The following ACOX1 variants were observed in gnomAD, a reference collection of about 807,000 sequenced individuals.
ACOX1 encodes acyl-CoA oxidase 1.
A neutral mutation model predicts 75.5 loss-of-function variants in ACOX1; 41 were observed. The ratio of observed to expected loss-of-function variants is 0.54; its 90% CI spans 0.42 to 0.70. The LOEUF (loss-of-function observed/expected upper bound fraction) is 0.70, where lower values mean the gene tolerates loss of function less well. ACOX1 is among the 30% of genes least tolerant of loss of function. The pLI, the probability that ACOX1 is intolerant of heterozygous loss-of-function variation, is 0.00. For synonymous variants in ACOX1, 303 were observed against 298.8 expected (o/e 1.01, Z -0.15); for missense variants, 630 against 837.5 (o/e 0.75, Z 3.06).
chr17:75,955,239 T>C (rs2065813236), intron 6 of ACOX1, among the ~76,000 whole-genome samples: 1 of 151,978 alleles, frequency 6.6e-6, no homozygotes, highest in South Asian at 2.1e-4. Flanking sequence ...CACAGCTCAC[T>C]GTAGCCTCGG....
At position 75,967,620 on chromosome 17, in the gene ACOX1, A is replaced by G. The variant is rs868483058; in HGVS notation, c.270-7245T>C. On this transcript the variant is annotated intron_variant, in intron 2 of 13. Coordinates refer to ENST00000293217, the MANE Select transcript of ACOX1 (RefSeq NM_004035.7). ...TCGAAATATATATATATATACATACATATATATATACATACATATATATAC... is the reference window on the plus strand; with the variant it reads ...TCGAAATATATATATATATACATACGTATATATATACATACATATATATAC... Among the ~76,000 whole-genome samples, 39 of 91,922 alleles carry G rather than the reference A, an allele frequency of 4.2e-4. 1 individual carries two copies. The highest frequency in any genetic ancestry group is 3.7e-3 in the African/African-American group (35 of 9,374). The allele number at this position is 91,922 out of a possible 152,430, so 60.3% of individuals were successfully genotyped here.
chr17:75,963,270 C>T (rs915968887), intron 2 of ACOX1, among the ~76,000 whole-genome samples: 5 of 152,256 alleles, frequency 3.3e-5, no homozygotes, highest in African/African-American at 1.2e-4. Flanking sequence ...TCCCAGACTT[C>T]ACCATTACAT....
At chr17:75,977,324 C>T (rs1399670714) in intron 2 of ACOX1, among the ~76,000 whole-genome samples, 4 of 151,332 alleles carry the variant, frequency 2.6e-5, no homozygotes, top group East Asian at 3.9e-4. Context: ...TTATTTTTAC[C>T]GTTCCTTGTG....
Position 75,951,544 on chromosome 17 carries a change from G to C in ACOX1, c.978C>G (p.Thr326=), listed in dbSNP as rs1316911192. ...EPEPQILDFQ[T]QQYKLFPLLA... is the part of the protein sequence containing the mutation. ...GGAGTGGAAAGAGTTTATACTGCTG[G>C]GTTTGAAAATCCAAAATCTGTGGTT... Residue 326 remains threonine, a synonymous_variant, in exon 8 of 14, where the codon ACC becomes ACG. Coordinates refer to ENST00000293217, the MANE Select transcript of ACOX1 (RefSeq NM_004035.7). The C allele has an allele frequency of 6.2e-7, 1 of 1,613,960 alleles. No homozygotes were observed. Among genetic ancestry groups the C allele is most frequent in the South Asian group, 1.1e-5 (1 of 91,082 alleles).
Position 75,978,164 on chromosome 17 carries a change from G to C in ACOX1, c.269+370C>G, listed in dbSNP as rs2066073961. On this transcript the variant is annotated intron_variant, in intron 2 of 13. Transcript: ENST00000293217. This position sits in a 1 kb window ranked among gnomAD's most constrained non-coding sequence, Gnocchi z 4.2. ...GGCTGGAGTGCAGTGGCGCGATCTC[G>C]GCTCACTGCAAGCTCCGCCTCCCTA... 6.6e-6 allele frequency among the ~76,000 whole-genome samples: 1 copy of C among 151,956 alleles called. No individual in the cohort carries two copies. The highest frequency in any genetic ancestry group is 1.5e-5 in the Non-Finnish European group (1 of 67,988).
rs556996602 is a variant in ACOX1 at position 75,978,486 on chromosome 17, G to A, written c.269+48C>T. 9.3e-6 allele frequency: 15 copies of A among 1,611,794 alleles called. No homozygotes were observed. The highest frequency in any genetic ancestry group is 1.3e-5 in the African/African-American group (1 of 75,016). On this transcript the variant is annotated intron_variant, in intron 2 of 13. Coordinates refer to ENST00000293217, the MANE Select transcript of ACOX1 (RefSeq NM_004035.7). This position sits in a 1 kb window ranked among gnomAD's most constrained non-coding sequence, Gnocchi z 4.2. Reference sequence around the variant, plus strand: ...TGAAAGGCCACCATAGACCGCAGCTGTAAAGTTTAGGCTTAACAACACTTG... The same window carrying A: ...TGAAAGGCCACCATAGACCGCAGCTATAAAGTTTAGGCTTAACAACACTTG...
chr17:75,963,353 C>A (rs188367712), intron 2 of ACOX1, among the ~76,000 whole-genome samples: 55 of 152,186 alleles, frequency 3.6e-4, no homozygotes, highest in Non-Finnish European at 7.4e-4. Flanking sequence ...ACCTTGTCAC[C>A]TCGTCCTGTC....
rs928916782 is a variant in ACOX1, at chr17:75,973,868, T to G, written c.269+4666A>C. 5.5e-5 allele frequency: 79 copies of G among 1,438,414 alleles called. 4 individuals are homozygous for G. In the South Asian group the frequency reaches 8.6e-4, roughly 16 times the overall value. The allele number at this position is 1,438,414 out of a possible 1,614,324, so 89.1% of individuals were successfully genotyped here. A position where few individuals can be genotyped will look rare whatever the true frequency, so the allele number is the denominator to read the frequency against. On this transcript the variant is annotated intron_variant, in intron 2 of 13. Coordinates refer to ENST00000293217, the MANE Select transcript of ACOX1 (RefSeq NM_004035.7). The stretch of plus-strand genomic sequence containing the variant: ...CCCTTCTTGCCAAACAGCTTTGGCC[T>G]TCAAGGAGAAGGTCAGGAAAATGTA...
intron 2 of ACOX1, among the ~76,000 whole-genome samples, chr17:75,963,689 T>C (rs898749346): frequency 2.0e-4 from 29 of 141,962 alleles, no homozygotes; most frequent in South Asian, 1.3e-3. Context: ...AGAGCAAGAC[T>C]CTATCTAAAA....
Position 75,978,396 on chromosome 17 carries a change from CAT to C in ACOX1, c.269+136_269+137del, listed in dbSNP as rs1256339133. 16 of 1,244,788 alleles carry C rather than the reference CAT, an allele frequency of 1.3e-5. No individual in the cohort carries two copies. Among genetic ancestry groups the C allele is most frequent in the Non-Finnish European group, 1.7e-5 (15 of 865,532 alleles). The allele number at this position is 1,244,788 out of a possible 1,614,324, so 77.1% of individuals were successfully genotyped here. ...GCGTGAGCCACCGCGCCCGGCCACA[CAT>C]ATAACTTTATAAAGTTGCATGAAAA... On this transcript the variant is annotated intron_variant, in intron 2 of 13. Transcript: ENST00000293217. The surrounding 1 kb of genome is among the most constrained non-coding windows in gnomAD (Gnocchi z 4.2).
intron 2 of ACOX1, among the ~76,000 whole-genome samples, chr17:75,972,841 A>G (rs959315514): frequency 6.6e-6 from 1 of 152,096 alleles, no homozygotes; most frequent in African/African-American, 2.4e-5. Flanking sequence ...CAATTCACAC[A>G]CTGAAATCAG....
Position 75,948,330 on chromosome 17 carries a change from G to C in ACOX1, c.1856C>G (p.Ser619Cys). ...ATTCCCATCATAGCGGCCAAGCACA[G>C]AGCCAAGTGTCACATCCTGAAAATC... ...AFDFQDVTLG[S>C]VLGRYDGNVY... The change falls in exon 13 of 14, where the codon TCT becomes TGT. Residue 619 changes from serine to cysteine, a missense_variant. Physicochemically the swap from Ser to Cys is moderately radical, Grantham distance 112. This residue lies in a region of ACOX1 where 240 missense variants were observed against 262.7 expected (regional missense o/e 0.91). Transcript: ENST00000293217. The C allele has an allele frequency of 6.2e-7, 1 of 1,614,132 alleles. No homozygotes were observed.
chr17:75,972,298 G>A (rs989361196), intron 2 of ACOX1, among the ~76,000 whole-genome samples: 1 of 142,502 alleles, frequency 7.0e-6, no homozygotes, highest in Admixed American at 7.2e-5. Flanking sequence ...CTGCACTCCA[G>A]CCTGGGCGAC....
At chr17:75,963,630 G>A (rs370971566) in intron 2 of ACOX1, among the ~76,000 whole-genome samples, 3 of 151,862 alleles carry the variant, frequency 2.0e-5, no homozygotes, top group Admixed American at 6.6e-5. Flanking sequence ...CCCGGGAGGC[G>A]GAGGCTGCAG....
rs1044066629 is a variant in ACOX1 at position 75,945,315 on chromosome 17, G to A, written c.*1433C>T. On this transcript the variant is annotated 3_prime_UTR_variant, in exon 14 of 14. Transcript: ENST00000293217. Reference sequence around the variant, plus strand: ...TAGACTCAAGTGAGATTAACACAGGGTTAATCTTCAATCTTAACACAATTA... The same window carrying A: ...TAGACTCAAGTGAGATTAACACAGGATTAATCTTCAATCTTAACACAATTA... 3.3e-5 allele frequency: 5 copies of A among 152,102 alleles called. No individual in the cohort carries two copies. Among genetic ancestry groups the A allele is most frequent in the African/African-American group, 9.7e-5 (4 of 41,418 alleles). 9.4% of individuals were successfully genotyped at this position (152,102 alleles called of 1,614,324 possible).
At chr17:75,956,599 A>T (rs1292405262) in intron 4 of ACOX1, among the ~76,000 whole-genome samples, 2 of 151,674 alleles carry the variant, frequency 1.3e-5, no homozygotes, top group East Asian at 3.9e-4. Flanking sequence ...GAGGCAGGAG[A>T]ATCGCTTGAA....
chr17:75,951,494 A>C lies in ACOX1; in HGVS notation c.1028T>G (p.Phe343Cys), dbSNP rs1455307554. Reference sequence around the variant, plus strand: ...GGTCTCCTTCATGTATGCGCCCACAAACTGGAAGGCATAGGCAGTGGCCAG... The same window carrying C: ...GGTCTCCTTCATGTATGCGCCCACACACTGGAAGGCATAGGCAGTGGCCAG... ...PLLATAYAFQ[F>C]VGAYMKETYH... The change falls in exon 8 of 14, where the codon TTT becomes TGT. Residue 343 changes from phenylalanine (F) to cysteine (C), a missense_variant. Phe to Cys is a radical substitution (Grantham distance 205). Coordinates refer to ENST00000293217, the MANE Select transcript of ACOX1 (RefSeq NM_004035.7). The C allele has an allele frequency of 6.2e-7, 1 of 1,614,040 alleles. No individual in the cohort carries two copies. Among genetic ancestry groups the C allele is most frequent in the Non-Finnish European group, 8.5e-7 (1 of 1,180,034 alleles).
At chr17:75,956,558 C>T (rs538609774) in intron 4 of ACOX1, among the ~76,000 whole-genome samples, 4 of 151,726 alleles carry the variant, frequency 2.6e-5, no homozygotes, top group South Asian at 2.1e-4. Context: ...TGTGGTGGCA[C>T]GCTCCTGTAG....
chr17:75,971,585 T>C (rs908992292), intron 2 of ACOX1, among the ~76,000 whole-genome samples: 5 of 148,266 alleles, frequency 3.4e-5, no homozygotes, highest in Non-Finnish European at 6.0e-5. Context: ...CTACTAAAAA[T>C]AACAAAATTA....
Sources: allele counts gnomAD v4.1 joint callset (sites outside exome capture counted in the v4.1 genomes callset), GRCh38; gene constraint gnomAD v4.1.1; regional missense constraint gnomAD v4.1.1; non-coding constraint Gnocchi (gnomAD v3.1); transcripts MANE v1.5; gene names NCBI Gene and HGNC (gene_info 2026-07-23, HGNC 2026-07-21).